The following TMEM255B variants were observed in gnomAD, a reference collection of about 807,000 sequenced individuals.
The protein encoded by TMEM255B is transmembrane protein 255B.
Under a neutral mutation model 34.5 loss-of-function variants are expected in TMEM255B, and 35 were observed. That is an observed-to-expected ratio of 1.01 (90% CI 0.77 to 1.34). TMEM255B has a LOEUF of 1.34. TMEM255B is among the 40% of genes most tolerant of loss of function. The pLI is 0.00. For synonymous variants in TMEM255B, 206 were observed against 201.2 expected, an observed-to-expected ratio of 1.02 and a Z score of -0.20; for missense variants, 432 against 433.2, an observed-to-expected ratio of 1.00 and a Z score of 0.02.
rs983421114 is a variant in TMEM255B at position 113,770,905 on chromosome 13, A to G, written c.252+1745A>G. ...AGACTTTTCCATAAGATTTCCCCAA[A>G]GAGGCAGAAGCTGGGTGTGAAGCTG... On this transcript the variant is annotated intron_variant, in intron 3 of 8. Coordinates refer to ENST00000375353, the MANE Select transcript of TMEM255B (RefSeq NM_182614.4). The surrounding 1 kb of genome is among the most constrained non-coding windows in gnomAD (Gnocchi z 4.6). 1.3e-5 allele frequency among the ~76,000 whole-genome samples: 2 copies of G among 152,150 alleles called. No homozygotes were observed. Among genetic ancestry groups the G allele is most frequent in the African/African-American group, 4.8e-5 (2 of 41,434 alleles).
Position 113,800,849 on chromosome 13 carries a change from G to T in TMEM255B, c.446G>T (p.Gly149Val), listed in dbSNP as rs2051041003. Residue 149 changes from glycine to valine, a missense_variant, in exon 6 of 9, where the codon GGC becomes GTC. Transcript: ENST00000375353. ...QTEVTCHSLD[G>V]KCQLKVRSNT... ...CAGGTCACCTGTCACTCCCTGGACG[G>T]CAAGTGCCAGCTGAAGGTGAGAAGC... 6.2e-7 allele frequency: 1 copy of T among 1,609,284 alleles called. No homozygotes were observed. Among genetic ancestry groups the T allele is most frequent in the Admixed American group, 1.7e-5 (1 of 59,546 alleles).
intron 7 of TMEM255B, 107 bp from the exon 8 acceptor site, chr13:113,804,778 C>T (rs999763008): frequency 7.6e-6 from 8 of 1,050,470 alleles, no homozygotes; most frequent in Admixed American, 3.0e-5. Context: ...GGGTTAGTTC[C>T]AGCCTGAGAG....
chr13:113,795,955 T>C (rs867755651), intron 4 of TMEM255B, among the ~76,000 whole-genome samples: 6,661 of 27,470 alleles, frequency 0.24, no homozygotes, highest in African/African-American at 0.26. Flanking sequence ...ACACAGCACA[T>C]ACACAACAGA....
intron 8 of TMEM255B, among the ~76,000 whole-genome samples, chr13:113,810,373 G>A (rs1052683277): frequency 6.6e-6 from 1 of 152,238 alleles, no homozygotes; most frequent in Non-Finnish European, 1.5e-5. Flanking sequence ...TAAGATGTGT[G>A]TTAGCAGTTG....
In TMEM255B at chr13:113,766,191, C is replaced by A; in HGVS notation, c.123C>A (p.Thr41=). The A allele has an allele frequency of 6.2e-7, 1 of 1,614,206 alleles. No individual in the cohort carries two copies. Among genetic ancestry groups the A allele is most frequent in the Non-Finnish European group, 8.5e-7 (1 of 1,180,026 alleles). The part of the protein sequence containing the change: ...SLLLVSVLIV[T]VGLAATTRTE... ...TGCTGGTGTCCGTCCTCATAGTCAC[C>A]GTCGGGCTGGCTGCCACCACCAGGA... The change falls in exon 2 of 9, where the codon ACC becomes ACA. Residue 41 remains threonine, a synonymous_variant. Transcript: ENST00000375353.
At position 113,770,011 on chromosome 13, in the gene TMEM255B, G is replaced by C. The variant is rs2050452295; in HGVS notation, c.252+851G>C. Among the ~76,000 whole-genome samples, 1 of 152,186 alleles carries C rather than the reference G, an allele frequency of 6.6e-6. No homozygotes were observed. The highest frequency in any genetic ancestry group is 1.5e-5 in the Non-Finnish European group (1 of 68,034). On this transcript the variant is annotated intron_variant, in intron 3 of 8. Coordinates refer to ENST00000375353, the MANE Select transcript of TMEM255B (RefSeq NM_182614.4). The surrounding 1 kb of genome is among the most constrained non-coding windows in gnomAD (Gnocchi z 4.6). ...TGCCTGTTCCCAGTTCCCAGGCCGA[G>C]AGGGAGGGTGAGATGGCTGGGCCGC... is the stretch of plus-strand genomic sequence containing the variant.
chr13:113,800,280 G>T lies in TMEM255B; in HGVS notation c.424-547G>T, dbSNP rs577888963. ...GTGTGTGTGGAGGTGTCCTGTGTGT[G>T]TGTGTCAGGGGAGGCGTCCTCTGTG... On this transcript the variant is annotated intron_variant, in intron 5 of 8. Transcript: ENST00000375353. Among the ~76,000 whole-genome samples the T allele has an allele frequency of 1.9e-3, 277 of 144,882 alleles. 3 individuals carry two copies. Among genetic ancestry groups the T allele is most frequent in the African/African-American group, 6.6e-3 (257 of 38,682 alleles).
chr13:113,783,989 G>A (rs2050703221), intron 3 of TMEM255B, among the ~76,000 whole-genome samples: 2 of 152,144 alleles, frequency 1.3e-5, no homozygotes, highest in African/African-American at 4.8e-5. Flanking sequence ...TGGTTATAAA[G>A]TTGTCAAGGT....
At chr13:113,802,519 G>GC (rs891069239) in intron 7 of TMEM255B, among the ~76,000 whole-genome samples, 19 of 152,150 alleles carry the variant, frequency 1.2e-4, no homozygotes, top group Admixed American at 2.6e-4. Context: ...GACGAGGGGC[G>GC]CCCCCTCTTG....
chr13:113,806,153 C>G lies in TMEM255B; in HGVS notation c.813+1125C>G, dbSNP rs2051167475. ...GGGAGGCCTGTGCACACTCTGCCCT[C>G]ACGTCCAGGACAGAGAGGGCTCAGG... On this transcript the variant is annotated intron_variant, in intron 8 of 8. Transcript: ENST00000375353. The surrounding 1 kb of genome is among the most constrained non-coding windows in gnomAD (Gnocchi z 4.2). 6.6e-6 allele frequency among the ~76,000 whole-genome samples: 1 copy of G among 152,186 alleles called. No individual in the cohort carries two copies. Among genetic ancestry groups the G allele is most frequent in the African/African-American group, 2.4e-5 (1 of 41,438 alleles).
At chr13:113,808,880 T>A (rs1260235694) in intron 8 of TMEM255B, among the ~76,000 whole-genome samples, 3 of 141,968 alleles carry the variant, frequency 2.1e-5, no homozygotes, top group Non-Finnish European at 4.6e-5. Flanking sequence ...TATGCTGTGG[T>A]TCCTGGGGGT....
intron 4 of TMEM255B, among the ~76,000 whole-genome samples, chr13:113,796,992 G>A (rs1056521799): frequency 6.6e-6 from 1 of 152,258 alleles, no homozygotes; most frequent in African/African-American, 2.4e-5. Context: ...CGTCATGGGA[G>A]CTTTCTCAGC....
chr13:113,765,122 T>A (rs79481936), intron 1 of TMEM255B, among the ~76,000 whole-genome samples: 2,403 of 152,130 alleles, frequency 0.016, 59 homozygotes, highest in African/African-American at 0.056. Context: ...TTTGCAAGGG[T>A]CAAGAGGCAG....
rs1458092954 is a variant in TMEM255B at position 113,814,292 on chromosome 13, T to G, written c.*2389T>G. 6.6e-6 allele frequency: 1 copy of G among 152,294 alleles called. No homozygotes were observed. Among genetic ancestry groups the G allele is most frequent in the Non-Finnish European group, 1.5e-5 (1 of 68,102 alleles). The allele number at this position is 152,294 out of a possible 1,614,324, so 9.4% of individuals were successfully genotyped here. ...AGCAAAGTCACAGGAATAACCCTCC[T>G]TCCCCTCATGTCAGCCCTCGGTCGC... On this transcript the variant is annotated 3_prime_UTR_variant, in exon 9 of 9. Coordinates refer to ENST00000375353, the MANE Select transcript of TMEM255B (RefSeq NM_182614.4).
intron 3 of TMEM255B, among the ~76,000 whole-genome samples, chr13:113,777,728 C>T (rs1244710891): frequency 1.3e-5 from 2 of 152,178 alleles, no homozygotes; most frequent in South Asian, 2.1e-4. Context: ...GGGGATGAGC[C>T]GTCTCCCTAG....
intron 8 of TMEM255B, among the ~76,000 whole-genome samples, chr13:113,807,689 A>G (rs1176628415): frequency 2.5e-3 from 220 of 87,748 alleles, no homozygotes; most frequent in African/African-American, 9.3e-3. Flanking sequence ...CGTCACACGC[A>G]GGCTTACGGG....
chr13:113,771,332 C>T (rs761494425), intron 3 of TMEM255B, among the ~76,000 whole-genome samples: 6 of 152,138 alleles, frequency 3.9e-5, no homozygotes, highest in Admixed American at 6.6e-5. Context: ...TCTGGCACTG[C>T]GCATGGTGTC....
In TMEM255B at chr13:113,799,402, G is replaced by T; in HGVS notation, c.406G>T (p.Asp136Tyr). 6.2e-7 allele frequency: 1 copy of T among 1,614,168 alleles called. No individual in the cohort carries two copies. The highest frequency in any genetic ancestry group is 8.5e-7 in the Non-Finnish European group (1 of 1,180,014). The change falls in exon 5 of 9, where the codon GAT becomes TAT. Residue 136 changes from aspartate to tyrosine, a missense_variant. Transcript: ENST00000375353. ...CTCCAGTGGGGTGGGGTACTTGTACGATGTCTACCAGACAGAGGTGAGCAG... is the reference window on the plus strand; with the variant it reads ...CTCCAGTGGGGTGGGGTACTTGTACTATGTCTACCAGACAGAGGTGAGCAG... ...FYSSGVGYLY[D>Y]VYQTEVTCHS...
At position 113,788,921 on chromosome 13, in the gene TMEM255B, C is replaced by T. The variant is rs368789335; in HGVS notation, c.253-6227C>T. Among the ~76,000 whole-genome samples, 76 of 152,210 alleles carry T rather than the reference C, an allele frequency of 5.0e-4. No homozygotes were observed. The East Asian group carries it at 0.01, about 21-fold the overall frequency. On this transcript the variant is annotated intron_variant, in intron 3 of 8. Coordinates refer to ENST00000375353, the MANE Select transcript of TMEM255B (RefSeq NM_182614.4). ...CCCTCCTGCCCCACTCATCCTGCCTCGTGGAGGCCACCGACCGACTGCCCT... is the reference window on the plus strand; with the variant it reads ...CCCTCCTGCCCCACTCATCCTGCCTTGTGGAGGCCACCGACCGACTGCCCT...
Sources: gnomAD v4.1 joint callset for allele counts (sites outside exome capture counted in the v4.1 genomes callset) on GRCh38, gnomAD v4.1.1 for gene constraint, Gnocchi (gnomAD v3.1) non-coding constraint, MANE v1.5 for transcripts, NCBI Gene and HGNC (gene_info 2026-07-23, HGNC 2026-07-21) for gene names.